Variants in DCUN1D1 observed in about 807,000 individuals in gnomAD.
DCUN1D1 encodes the protein DCN1-like protein 1.
A neutral mutation model predicts 39.0 loss-of-function variants in DCUN1D1; 3 were observed. The ratio of observed to expected loss-of-function variants is 0.08; its 90% CI spans 0.04 to 0.20. The LOEUF is 0.20. Ranked by LOEUF, DCUN1D1 falls within the 10% of genes least tolerant of loss-of-function variation. DCUN1D1 has a pLI of 1.00. For missense variants in DCUN1D1, 158 were observed against 302.4 expected (o/e 0.52, Z 3.54); for synonymous variants, 82 against 96.3 (o/e 0.85, Z 0.87).
At position 182,947,275 on chromosome 3, in the gene DCUN1D1, C is replaced by T. The variant is rs1726462787; in HGVS notation, c.663G>A (p.Thr221=). Residue 221 remains threonine, a synonymous_variant, in exon 6 of 7, where the codon ACG becomes ACA. Coordinates refer to ENST00000292782, the MANE Select transcript of DCUN1D1 (RefSeq NM_020640.4). ...AATTAGACATGTCATCTGCAATCAT[C>T]GTACTGAAGTCTAAAAGAAGATTCC... is the stretch of plus-strand genomic sequence containing the variant. ...DTWNLLLDFS[T]MIADDMSNYD... 8.7e-6 allele frequency: 14 copies of T among 1,608,680 alleles called. No homozygotes were observed. The highest frequency in any genetic ancestry group is 2.2e-5 in the East Asian group (1 of 44,760).
intron 3 of DCUN1D1, among the ~76,000 whole-genome samples, chr3:182,962,597 C>T (rs1727456164): frequency 6.6e-6 from 1 of 152,180 alleles, no homozygotes; most frequent in Non-Finnish European, 1.5e-5. Flanking sequence ...GAATCTCAGC[C>T]TTGTGGGGAT....
intron 1 of DCUN1D1, among the ~76,000 whole-genome samples, chr3:182,969,843 T>C (rs545320375): frequency 6.6e-6 from 1 of 152,344 alleles, no homozygotes; most frequent in African/African-American, 2.4e-5. Flanking sequence ...ATCTGAACAG[T>C]AAAATGAATT....
Position 182,978,356 on chromosome 3 carries a change from G to C in DCUN1D1, c.3+2131C>G, listed in dbSNP as rs781360880. Reference sequence around the variant, plus strand: ...TATAAAATTCTTACTGCCTAACTTCGATTAGGGCCAGTGGTGAGTCTCTTT... The same window carrying C: ...TATAAAATTCTTACTGCCTAACTTCCATTAGGGCCAGTGGTGAGTCTCTTT... On this transcript the variant is annotated intron_variant, in intron 1 of 6. Transcript: ENST00000292782. Among the ~76,000 whole-genome samples, 60 of 151,964 alleles carry C rather than the reference G, an allele frequency of 3.9e-4. 1 individual carries two copies. Among genetic ancestry groups the C allele is most frequent in the Non-Finnish European group, 7.1e-4 (48 of 68,016 alleles).
At chr3:182,975,863 A>AG in intron 1 of DCUN1D1, among the ~76,000 whole-genome samples, 1 of 150,698 alleles carries the variant, frequency 6.6e-6, no homozygotes, top group Admixed American at 6.6e-5. Flanking sequence ...AAAAAAAAAA[A>AG]AAAAAAAAAA....
intron 4 of DCUN1D1, chr3:182,955,380 T>C: frequency 1.8e-6 from 1 of 542,728 alleles, no homozygotes; most frequent in African/African-American, 1.9e-5. Flanking sequence ...TGGTTCTTTA[T>C]TGAACAGAAT....
At chr3:182,965,002 T>C (rs1247230863) in intron 2 of DCUN1D1, among the ~76,000 whole-genome samples, 1 of 152,184 alleles carries the variant, frequency 6.6e-6, no homozygotes, top group East Asian at 1.9e-4. Flanking sequence ...TGAACATAAT[T>C]TGACTTTGGA....
rs1305094559 is a variant in DCUN1D1 at position 182,946,540 on chromosome 3, G to A, written c.700+698C>T. Among the ~76,000 whole-genome samples the A allele has an allele frequency of 3.6e-5, 4 of 112,172 alleles. No individual in the cohort carries two copies. The South Asian group carries it at 9.0e-4, about 25-fold the overall frequency. The allele number at this position is 112,172 out of a possible 152,430, so 73.6% of individuals were successfully genotyped here. Reference sequence around the variant, plus strand: ...CCACTGCACTCCAGCCTGGGTGACAGAGCAAGACTCCATCTCAAAAAAAAA... The same window carrying A: ...CCACTGCACTCCAGCCTGGGTGACAAAGCAAGACTCCATCTCAAAAAAAAA... On this transcript the variant is annotated intron_variant, in intron 6 of 6. Transcript: ENST00000292782.
At chr3:182,982,745 C>T (rs1448468748), upstream of DCUN1D1, among the ~76,000 whole-genome samples, 1 of 152,112 alleles carries the variant, frequency 6.6e-6, no homozygotes, top group East Asian at 1.9e-4. Context: ...CAGGTTCAAG[C>T]GATTCTCCTG....
rs546025490 is a variant in DCUN1D1 at position 182,941,808 on chromosome 3, C to T, written c.*3286G>A. 8 of 152,188 alleles carry T rather than the reference C, an allele frequency of 5.3e-5. No homozygotes were observed. Among genetic ancestry groups the T allele is most frequent in the African/African-American group, 1.7e-4 (7 of 41,562 alleles). 9.4% of individuals were successfully genotyped at this position (152,188 alleles called of 1,614,324 possible). A position where few individuals can be genotyped will look rare whatever the true frequency, so the allele number is the denominator to read the frequency against. On this transcript the variant is annotated 3_prime_UTR_variant, in exon 7 of 7. Transcript: ENST00000292782. Reference sequence around the variant, plus strand: ...ACCATGGTGAATTTCCCCAGCACCACTTTTTTATTCCAAAACTCCTTCGAT... The same window carrying T: ...ACCATGGTGAATTTCCCCAGCACCATTTTTTTATTCCAAAACTCCTTCGAT...
chr3:182,957,831 G>A (rs367642801), intron 4 of DCUN1D1, among the ~76,000 whole-genome samples: 14 of 148,518 alleles, frequency 9.4e-5, no homozygotes, highest in Non-Finnish European at 1.5e-4. Context: ...CCAGCTACTC[G>A]GGAGGCGGAG....
chr3:182,962,635 T>C (rs1727458144), intron 3 of DCUN1D1, among the ~76,000 whole-genome samples: 1 of 152,216 alleles, frequency 6.6e-6, no homozygotes, highest in Non-Finnish European at 1.5e-5. Context: ...TTCTTCCTTG[T>C]CTGTTCCCTT....
intron 1 of DCUN1D1, among the ~76,000 whole-genome samples, chr3:182,978,679 C>T (rs1262619265): frequency 6.6e-6 from 1 of 152,178 alleles, no homozygotes; most frequent in Non-Finnish European, 1.5e-5. Context: ...CCAGCCCCTA[C>T]GGTGAGTTAG....
chr3:182,962,248 A>T (rs1727435423), intron 3 of DCUN1D1, among the ~76,000 whole-genome samples: 2 of 152,234 alleles, frequency 1.3e-5, no homozygotes, highest in Non-Finnish European at 2.9e-5. Context: ...GCTGAAGGAC[A>T]TAGTGTCCAG....
intron 1 of DCUN1D1, among the ~76,000 whole-genome samples, chr3:182,977,207 A>G (rs550259529): frequency 6.6e-6 from 1 of 152,348 alleles, no homozygotes; most frequent in Admixed American, 6.5e-5. Flanking sequence ...CAGTTCTGCA[A>G]CCAACAATCC....
intron 2 of DCUN1D1, among the ~76,000 whole-genome samples, chr3:182,964,549 T>C (rs1011013077): frequency 4.6e-5 from 7 of 151,166 alleles, no homozygotes; most frequent in African/African-American, 1.7e-4. Flanking sequence ...TCTATACTTA[T>C]CAGAGAGGCA....
intron 4 of DCUN1D1, among the ~76,000 whole-genome samples, chr3:182,957,149 G>A (rs763262467): frequency 2.6e-5 from 4 of 152,204 alleles, no homozygotes; most frequent in African/African-American, 7.2e-5. Context: ...GAAGAACTGT[G>A]TAATAACAAG....
chr3:182,975,851 TAAAAA>T (rs533263687), intron 1 of DCUN1D1, among the ~76,000 whole-genome samples: 3 of 66,816 alleles, frequency 4.5e-5, no homozygotes, highest in Non-Finnish European at 8.4e-5. Context: ...CCAGATATGC[TAAAAA>T]AAAAAAAAAA....
intron 1 of DCUN1D1, among the ~76,000 whole-genome samples, chr3:182,968,646 C>CAGA (rs764248156): frequency 4.6e-5 from 7 of 151,362 alleles, no homozygotes; most frequent in Non-Finnish European, 1.0e-4. Flanking sequence ...TGTTGCCAGG[C>CAGA]AGAAATGCAG....
chr3:182,964,336 G>A (rs182578829), intron 2 of DCUN1D1, among the ~76,000 whole-genome samples: 1 of 152,064 alleles, frequency 6.6e-6, no homozygotes, highest in Non-Finnish European at 1.5e-5. Context: ...TCAGACATTC[G>A]TATATAGGGA....
Sources: allele counts gnomAD v4.1 joint callset (sites outside exome capture counted in the v4.1 genomes callset), GRCh38; gene constraint gnomAD v4.1.1; transcripts MANE v1.5; gene names NCBI Gene and HGNC (gene_info 2026-07-23, HGNC 2026-07-21).